Variants in RUFY1 observed in about 807,000 individuals in gnomAD.
The protein encoded by RUFY1 is RUN and FYVE domain-containing protein 1.
RUFY1 carries 54 observed loss-of-function variants against 94.6 expected under a neutral mutation model. The ratio of observed to expected loss-of-function variants is 0.57; its 90% CI spans 0.46 to 0.72. The LOEUF (loss-of-function observed/expected upper bound fraction) is 0.72. RUFY1 is among the 30% of genes least tolerant of loss of function. RUFY1 has a pLI of 0.00. For synonymous variants in RUFY1, 396 were observed against 347.3 expected, an observed-to-expected ratio of 1.14 and a Z score of -1.56; for missense variants, 883 against 883.9, an observed-to-expected ratio of 1.00 and a Z score of 0.01.
At chr5:179,592,654 A>G (rs994577177) in intron 10 of RUFY1, among the ~76,000 whole-genome samples, 7 of 152,080 alleles carry the variant, frequency 4.6e-5, no homozygotes, top group Non-Finnish European at 8.8e-5. Flanking sequence ...TTTCCACTCA[A>G]CCTGTGCATC....
Position 179,591,737 on chromosome 5 carries a change from G to T in RUFY1, c.1241G>T (p.Arg414Leu). ...WKQLKEEKKV[R>L]LELEKELELQ... Reference sequence around the variant, plus strand: ...CAGCTAAAAGAGGAGAAGAAAGTCCGGTTGGTGAGTGTGCAAGACCGAGTG... The same window carrying T: ...CAGCTAAAAGAGGAGAAGAAAGTCCTGTTGGTGAGTGTGCAAGACCGAGTG... Residue 414 changes from arginine (R) to leucine (L), a missense_variant, in exon 10 of 18, where the codon CGG becomes CTG. Physicochemically the swap from Arg to Leu is moderately radical, Grantham distance 102 (BLOSUM62 -2). Coordinates refer to ENST00000319449, the MANE Select transcript of RUFY1 (RefSeq NM_025158.5). 6.3e-7 allele frequency: 1 copy of T among 1,588,230 alleles called. No individual in the cohort carries two copies. The highest frequency in any genetic ancestry group is 8.6e-7 in the Non-Finnish European group (1 of 1,161,026).
intron 3 of RUFY1, among the ~76,000 whole-genome samples, chr5:179,565,688 C>A (rs994719225): frequency 3.9e-5 from 6 of 152,178 alleles, no homozygotes; most frequent in Admixed American, 2.6e-4. Flanking sequence ...TTTAACCCCG[C>A]CTTGTGGCTG....
intron 3 of RUFY1, among the ~76,000 whole-genome samples, chr5:179,565,750 G>A (rs567901835): frequency 1.3e-5 from 2 of 152,220 alleles, no homozygotes; most frequent in Admixed American, 6.5e-5. Flanking sequence ...TGACCATCCC[G>A]AAACATACTT....
intron 5 of RUFY1, among the ~76,000 whole-genome samples, chr5:179,576,727 C>T (rs530758716): frequency 2.0e-5 from 3 of 152,232 alleles, no homozygotes; most frequent in Admixed American, 2.0e-4. Flanking sequence ...GGCCAGGTCA[C>T]CACTTTAGAG....
chr5:179,580,823 G>A, intron 6 of RUFY1, 124 bp from the exon 7 acceptor site: 1 of 593,836 alleles, frequency 1.7e-6, no homozygotes, highest in South Asian at 2.2e-5. Flanking sequence ...ACTGAGCTCT[G>A]GCTGTCTCTT....
intron 6 of RUFY1, among the ~76,000 whole-genome samples, chr5:179,579,513 G>T (rs978208910): frequency 2.6e-5 from 4 of 151,784 alleles, no homozygotes; most frequent in African/African-American, 7.3e-5. Context: ...TGTATTTTTA[G>T]TAGAGACGGG....
chr5:179,603,573 A>C (rs1164647056), intron 15 of RUFY1: 1 of 152,360 alleles, frequency 6.6e-6, no homozygotes, highest in Non-Finnish European at 1.5e-5. Context: ...CTCAGAGCAT[A>C]GGCCAGCTGT....
At chr5:179,564,122 T>TTC (rs969961809) in intron 3 of RUFY1, among the ~76,000 whole-genome samples, 2 of 148,002 alleles carry the variant, frequency 1.4e-5, no homozygotes, top group African/African-American at 4.9e-5. Context: ...ATGTTTTCTT[T>TTC]TTTTTTTTTT....
rs1264770935 is a variant in RUFY1, at chr5:179,562,653, TC to T, written c.593del (p.Pro198GlnfsTer3). 1 of 1,557,534 alleles carries T rather than the reference TC, an allele frequency of 6.4e-7. No homozygotes were observed. The highest frequency in any genetic ancestry group is 8.9e-7 in the Non-Finnish European group (1 of 1,129,036). ...ATATAGCGACTAGTGTCAGAAATCT[TC>T]CAGAATTAAAGTGAGTGAGAAGTAG... is the stretch of plus-strand genomic sequence containing the variant. ...SDIATSVRNLPELKTAVGRGR... is the reference protein window; with the variant it reads ...SDIATSVRNLXELKTAVGRGR... On this transcript the variant is annotated frameshift_variant, in exon 3 of 18. Transcript: ENST00000319449. LOFTEE classifies it high-confidence loss of function.
intron 1 of RUFY1, among the ~76,000 whole-genome samples, chr5:179,552,329 G>GCCTT (rs1393121549): frequency 6.6e-6 from 1 of 152,114 alleles, no homozygotes; most frequent in Non-Finnish European, 1.5e-5. Context: ...AGGTTGTGGT[G>GCCTT]CCTTCCAAGG....
At chr5:179,552,640 C>T (rs1761920391) in intron 1 of RUFY1, among the ~76,000 whole-genome samples, 1 of 152,186 alleles carries the variant, frequency 6.6e-6, no homozygotes, top group Non-Finnish European at 1.5e-5. Flanking sequence ...TACTGAAAGT[C>T]AAGGCATGGC....
chr5:179,577,257 C>T, intron 6 of RUFY1, 121 bp downstream of exon 6: 3 of 610,926 alleles, frequency 4.9e-6, no homozygotes, highest in Non-Finnish European at 8.5e-6. Context: ...CTGCAACCTC[C>T]GCCTCCCGGG....
chr5:179,603,163 G>C (rs1287533619), intron 15 of RUFY1, among the ~76,000 whole-genome samples: 1 of 152,034 alleles, frequency 6.6e-6, no homozygotes, highest in Non-Finnish European at 1.5e-5. Flanking sequence ...TACTCGGGAG[G>C]CTGAGACAGC....
At chr5:179,580,446 G>T (rs1432095218) in intron 6 of RUFY1, among the ~76,000 whole-genome samples, 3 of 151,536 alleles carry the variant, frequency 2.0e-5, no homozygotes, top group African/African-American at 7.3e-5. Flanking sequence ...GTTTCACCGT[G>T]TTAGCCAGGA....
At chr5:179,579,327 TTTTTC>T (rs769288751) in intron 6 of RUFY1, among the ~76,000 whole-genome samples, 3 of 152,188 alleles carry the variant, frequency 2.0e-5, no homozygotes, top group Non-Finnish European at 2.9e-5. Context: ...AATATATTCT[TTTTTC>T]TTTTTTTTTG....
At chr5:179,552,213 A>ATTT (rs1209693149) in intron 1 of RUFY1, among the ~76,000 whole-genome samples, 1 of 150,268 alleles carries the variant, frequency 6.7e-6, no homozygotes, top group African/African-American at 2.4e-5. Flanking sequence ...CAGCGGCCAC[A>ATTT]TTTTAAATGC....
Position 179,593,340 on chromosome 5 carries a change from A to G in RUFY1, c.1246-138A>G, listed in dbSNP as rs943114368. ...TGATCCGCCCACCTCAGCCTCCCAAAGTGCTGAGGATTACAGGCATGAGCC... is the reference window on the plus strand; with the variant it reads ...TGATCCGCCCACCTCAGCCTCCCAAGGTGCTGAGGATTACAGGCATGAGCC... On this transcript the variant is annotated intron_variant, in intron 10 of 17. Transcript: ENST00000319449. 4.1e-6 allele frequency: 4 copies of G among 968,552 alleles called. No individual in the cohort carries two copies. The Admixed American group carries it at 7.0e-5, about 17-fold the overall frequency. The allele number at this position is 968,552 out of a possible 1,614,324, so 60.0% of individuals were successfully genotyped here. A position where few individuals can be genotyped will look rare whatever the true frequency, so the allele number is the denominator to read the frequency against.
chr5:179,590,278 C>T (rs1764949987), intron 9 of RUFY1, among the ~76,000 whole-genome samples: 1 of 150,804 alleles, frequency 6.6e-6, no homozygotes, highest in Non-Finnish European at 1.5e-5. Context: ...GGTGTGAACC[C>T]GGGAGATGGA....
intron 15 of RUFY1, among the ~76,000 whole-genome samples, chr5:179,604,944 ACCGCACTCCAG>A (rs1294349014): frequency 6.7e-6 from 1 of 150,236 alleles, no homozygotes; most frequent in Non-Finnish European, 1.5e-5. Flanking sequence ...AGATCACACC[ACCGCACTCCAG>A]CCTGGCCAAT....
Sources: allele counts gnomAD v4.1 joint callset (sites outside exome capture counted in the v4.1 genomes callset), GRCh38; gene constraint gnomAD v4.1.1; transcripts MANE v1.5; gene names NCBI Gene and HGNC (gene_info 2026-07-23, HGNC 2026-07-21).